Variants in CAPN3 observed in about 807,000 individuals in gnomAD.
The protein encoded by CAPN3 is calpain-3.
CAPN3 carries 88 observed loss-of-function variants against 114.0 expected under a neutral mutation model. The ratio of observed to expected loss-of-function variants is 0.77; its 90% confidence interval spans 0.65 to 0.92. The LOEUF (loss-of-function observed/expected upper bound fraction) is 0.92. CAPN3 is among the 40% of genes least tolerant of loss of function. The pLI is 0.00. For synonymous variants in CAPN3, 386 were observed against 382.9 expected, an observed-to-expected ratio of 1.01 and a Z score of -0.09; for missense variants, 1,028 against 1,069.0, an observed-to-expected ratio of 0.96 and a Z score of 0.53.
At chr15:42,360,152 CA>C (rs1252673726) in intron 1 of CAPN3, 38 bp downstream of exon 1, 1 of 1,613,030 alleles carries the variant, frequency 6.2e-7, no homozygotes, top group African/African-American at 1.3e-5. Flanking sequence ...GTTTTCCCCC[CA>C]CGGAGGAGTC....
chr15:42,399,705 G>A, intron 10 of CAPN3, 53 bp downstream of exon 10: 8 of 1,465,358 alleles, frequency 5.5e-6, no homozygotes, highest in Non-Finnish European at 7.4e-6. Flanking sequence ...GTTCCAGGCA[G>A]AAGAAGCCTA....
chr15:42,394,174 C>A, intron 7 of CAPN3, 82 bp from the exon 8 acceptor site: 1 of 1,299,538 alleles, frequency 7.7e-7, no homozygotes, highest in Non-Finnish European at 1.1e-6. Flanking sequence ...TGCCCCCCAG[C>A]CCCGTCCCAG....
At chr15:42,410,785 C>A in intron 21 of CAPN3, 99 bp from the exon 22 acceptor site, 1 of 1,372,764 alleles carries the variant, frequency 7.3e-7, no homozygotes, top group Non-Finnish European at 1.0e-6. Flanking sequence ...TTCTCACTTT[C>A]CCTTCCCAGG....
chr15:42,409,934 A>C lies in CAPN3; in HGVS notation c.2054A>C (p.Lys685Thr). ...TCACTCTTCTCCATCCCCCCAGACA[A>C]GGACCTGAAGACACACGGGTTCACA... ...KVLNTVVNKH[K>T]DLKTHGFTLE... The change falls in exon 19 of 24, where the codon AAG (lysine) becomes ACG (threonine). Residue 685 changes from lysine to threonine, a missense_variant. Coordinates refer to ENST00000397163, the MANE Select transcript of CAPN3 (RefSeq NM_000070.3). The C allele has an allele frequency of 6.2e-7, 1 of 1,612,550 alleles. No homozygotes were observed. The highest frequency in any genetic ancestry group is 8.5e-7 in the Non-Finnish European group (1 of 1,179,896).
At chr15:42,401,931 A>G (rs545087135) in intron 11 of CAPN3, 121 bp downstream of exon 11, 2 of 1,321,950 alleles carry the variant, frequency 1.5e-6, no homozygotes, top group Non-Finnish European at 2.1e-6. Context: ...AGCTCCTGGT[A>G]TCAGGACCAC....
At chr15:42,402,163 G>C (rs1252727273) in intron 12 of CAPN3, 28 bp downstream of exon 12, 3 of 1,613,898 alleles carry the variant, frequency 1.9e-6, no homozygotes, top group African/African-American at 1.3e-5. Context: ...GCCAGCAGTT[G>C]TGTGCAGCAC....
intron 8 of CAPN3, among the ~76,000 whole-genome samples, chr15:42,395,040 C>T (rs1028623588): frequency 2.0e-5 from 3 of 152,134 alleles, no homozygotes; most frequent in African/African-American, 4.8e-5. Flanking sequence ...GGAGAAGGAC[C>T]GCACCCAGGC....
chr15:42,401,553 A>T, intron 10 of CAPN3, 88 bp from the exon 11 acceptor site: 1 of 988,418 alleles, frequency 1.0e-6, no homozygotes. Context: ...AGATGTAGGG[A>T]ATAGAAATAA....
Position 42,410,903 on chromosome 15 carries a change from G to C in CAPN3, c.2283G>C (p.Gln761His). 1 of 1,614,116 alleles carries C rather than the reference G, an allele frequency of 6.2e-7. No individual in the cohort carries two copies. Among genetic ancestry groups the C allele is most frequent in the South Asian group, 1.1e-5 (1 of 91,086 alleles). ...VNDAGFHLNN[Q>H]LYDIITMRYA... Reference sequence around the variant, plus strand: ...CCACAGGATTCCACCTCAACAACCAGCTCTATGACATCATTACCATGCGGT... The same window carrying C: ...CCACAGGATTCCACCTCAACAACCACCTCTATGACATCATTACCATGCGGT... The change falls in exon 22 of 24, where the codon CAG becomes CAC. Residue 761 changes from glutamine (Q) to histidine (H), a missense_variant. Gln to His is a conservative substitution (Grantham distance 24). Transcript: ENST00000397163.
At chr15:42,396,700 A>G (rs2053703464) in intron 8 of CAPN3, 100 bp from the exon 9 acceptor site, 10 of 902,738 alleles carry the variant, frequency 1.1e-5, no homozygotes, top group Middle Eastern at 2.1e-4. Context: ...GGTAGTTCAC[A>G]GCAGCTGCAA....
intron 10 of CAPN3, 133 bp from the exon 11 acceptor site, chr15:42,401,508 G>T: frequency 4.1e-6 from 2 of 486,462 alleles, no homozygotes; most frequent in East Asian, 5.0e-5. Flanking sequence ...AGAAATGCCT[G>T]AATCGTGTTT....
chr15:42,408,971 C>G, intron 16 of CAPN3: 3 of 378,200 alleles, frequency 7.9e-6, no homozygotes, highest in South Asian at 5.0e-5. Flanking sequence ...ACGGTCAGAC[C>G]TTCTTTGACC....
At chr15:42,410,365 C>T (rs554589513) in intron 19 of CAPN3, 63 bp from the exon 20 acceptor site, 13 of 1,469,488 alleles carry the variant, frequency 8.8e-6, no homozygotes, top group Non-Finnish European at 1.2e-5. Flanking sequence ...GTCTCCTAGA[C>T]CCTCCCTCCA....
chr15:42,407,636 A>T (rs371725789), intron 15 of CAPN3, among the ~76,000 whole-genome samples: 1 of 152,008 alleles, frequency 6.6e-6, no homozygotes, highest in African/African-American at 2.4e-5. Context: ...GCCAGAGAGG[A>T]TATTTCTTAT....
chr15:42,371,767 C>G (rs1403064764), intron 1 of CAPN3, among the ~76,000 whole-genome samples: 1 of 152,054 alleles, frequency 6.6e-6, no homozygotes, highest in Non-Finnish European at 1.5e-5. Flanking sequence ...AGTTCGAGAC[C>G]AGCCCGGCCA....
At chr15:42,391,613 C>A (rs28364436) in intron 6 of CAPN3, among the ~76,000 whole-genome samples, 1 of 152,296 alleles carries the variant, frequency 6.6e-6, no homozygotes, top group East Asian at 1.9e-4. Flanking sequence ...AAAGCTGTTA[C>A]GTTAGTAGGC....
chr15:42,405,914 T>C lies in CAPN3; in HGVS notation c.1783-12T>C. The C allele has an allele frequency of 6.2e-7, 1 of 1,610,584 alleles. No individual in the cohort carries two copies. Among genetic ancestry groups the C allele is most frequent in the African/African-American group, 1.3e-5 (1 of 74,970 alleles). On this transcript the variant is annotated splice_polypyrimidine_tract_variant and intron_variant, in intron 14 of 23. Coordinates refer to ENST00000397163, the MANE Select transcript of CAPN3 (RefSeq NM_000070.3). ...ACTTATTCTGCATTTACTGTTTCCT[T>C]TTCTTATGCAGAAAAAGAAAAAAAC...
chr15:42,367,126 C>G (rs906541387), intron 1 of CAPN3, among the ~76,000 whole-genome samples: 7 of 152,114 alleles, frequency 4.6e-5, no homozygotes, highest in African/African-American at 1.7e-4. Context: ...GGCTCTGCAC[C>G]CGGCCTCCCT....
intron 19 of CAPN3, 114 bp from the exon 20 acceptor site, chr15:42,410,314 G>C (rs913295004): frequency 1.9e-5 from 18 of 954,012 alleles, no homozygotes; most frequent in Admixed American, 6.8e-5. Flanking sequence ...TGGAGGGGAG[G>C]GTTAAATAGT....
Sources: allele counts gnomAD v4.1 joint callset (sites outside exome capture counted in the v4.1 genomes callset), GRCh38; gene constraint gnomAD v4.1.1; transcripts MANE v1.5; gene names NCBI Gene and HGNC (gene_info 2026-07-23, HGNC 2026-07-21).